Variants in SIPA1L2 observed in about 807,000 individuals in gnomAD.
SIPA1L2 encodes signal induced proliferation associated 1 like 2, also known as signal-induced proliferation-associated 1-like protein 2.
A neutral mutation model predicts 163.9 loss-of-function variants in SIPA1L2; 56 were observed. The ratio of observed to expected loss-of-function variants is 0.34; its 90% CI spans 0.28 to 0.43. The LOEUF (loss-of-function observed/expected upper bound fraction) is 0.43, where lower values mean the gene tolerates loss of function less well. SIPA1L2 is among the 20% of genes least tolerant of loss of function. The probability of loss-of-function intolerance (pLI) is 1.00; values close to 1 mark genes in which losing one functional copy is unlikely to be tolerated. For synonymous variants in SIPA1L2, 877 were observed against 865.7 expected, an observed-to-expected ratio of 1.01 and a Z score of -0.23; for missense variants, 1,974 against 2,193.5, an observed-to-expected ratio of 0.90 and a Z score of 2.00.
chr1:232,572,300 C>T (rs935226149), intron 2 of SIPA1L2, among the ~76,000 whole-genome samples: 7 of 152,166 alleles, frequency 4.6e-5, no homozygotes, highest in African/African-American at 1.7e-4. Context: ...CAAGGGCAGC[C>T]GTACAATGTG....
At chr1:232,460,442 T>C (rs1391363668) in intron 10 of SIPA1L2, among the ~76,000 whole-genome samples, 1 of 152,204 alleles carries the variant, frequency 6.6e-6, no homozygotes, top group Non-Finnish European at 1.5e-5. Flanking sequence ...CTTTCATACC[T>C]ACAACTATTG....
chr1:232,536,510 C>T (rs561826294), intron 2 of SIPA1L2, among the ~76,000 whole-genome samples: 5 of 152,218 alleles, frequency 3.3e-5, no homozygotes, highest in Non-Finnish European at 7.3e-5. Context: ...TGGTATGTGA[C>T]ACCAGTGATG....
rs1329447275 is a variant in SIPA1L2, at chr1:232,630,081, C to T, written c.-531G>A. On this transcript the variant is annotated 5_prime_UTR_variant, in exon 1 of 23. Transcript: ENST00000674635. The stretch of plus-strand genomic sequence containing the variant: ...CGGCCGGCGGGGGCGCGGTGCTCCT[C>T]CTCCGTCCTCCTCCTCCTCTCGCTC... 7.3e-5 allele frequency among the ~76,000 whole-genome samples: 11 copies of T among 150,490 alleles called. No homozygotes were observed. The highest frequency in any genetic ancestry group is 1.6e-4 in the Non-Finnish European group (11 of 67,324).
At chr1:232,581,520 T>G (rs1299682348) in intron 1 of SIPA1L2, among the ~76,000 whole-genome samples, 1 of 152,172 alleles carries the variant, frequency 6.6e-6, no homozygotes, top group Non-Finnish European at 1.5e-5. Context: ...ATGCCTGTAG[T>G]ATGCCACCCC....
chr1:232,599,383 C>T (rs1661468327), intron 1 of SIPA1L2, among the ~76,000 whole-genome samples: 1 of 152,222 alleles, frequency 6.6e-6, no homozygotes, highest in African/African-American at 2.4e-5. Context: ...GCAAGGCATC[C>T]AGGACAGCAA....
chr1:232,553,995 C>A (rs967094953), intron 2 of SIPA1L2, among the ~76,000 whole-genome samples: 3 of 152,290 alleles, frequency 2.0e-5, no homozygotes, highest in Non-Finnish European at 2.9e-5. Flanking sequence ...ATGAGAAATA[C>A]CTAAGGCATG....
chr1:232,440,747 T>C (rs1662841682), intron 14 of SIPA1L2, among the ~76,000 whole-genome samples: 1 of 152,256 alleles, frequency 6.6e-6, no homozygotes, highest in Non-Finnish European at 1.5e-5. Context: ...ATGGAAGTTT[T>C]GTTTCACTGG....
chr1:232,482,472 C>T (rs1160579360), intron 6 of SIPA1L2, among the ~76,000 whole-genome samples: 1 of 151,482 alleles, frequency 6.6e-6, no homozygotes, highest in Non-Finnish European at 1.5e-5. Context: ...CAGAAAAGGT[C>T]TCATTCGTCT....
At chr1:232,526,684 G>A (rs1667727999) in intron 2 of SIPA1L2, among the ~76,000 whole-genome samples, 1 of 152,164 alleles carries the variant, frequency 6.6e-6, no homozygotes, top group Non-Finnish European at 1.5e-5. Flanking sequence ...GTAGGCCTGT[G>A]ACACATGCCC....
At chr1:232,570,142 A>C (rs1205429503) in intron 2 of SIPA1L2, among the ~76,000 whole-genome samples, 1 of 152,208 alleles carries the variant, frequency 6.6e-6, no homozygotes, top group Admixed American at 6.5e-5. Context: ...ATCTCGGAAA[A>C]TTCTATTCAT....
intron 10 of SIPA1L2, among the ~76,000 whole-genome samples, chr1:232,452,353 G>A (rs961209045): frequency 4.6e-5 from 7 of 151,908 alleles, no homozygotes; most frequent in Admixed American, 4.6e-4. Context: ...CAGACACCAC[G>A]GTCACTGCCA....
At chr1:232,607,474 C>A (rs1033966361) in intron 1 of SIPA1L2, among the ~76,000 whole-genome samples, 1 of 152,044 alleles carries the variant, frequency 6.6e-6, no homozygotes, top group Non-Finnish European at 1.5e-5. Flanking sequence ...ATCTTTTAGA[C>A]CACTTGTGAT....
chr1:232,561,197 T>C (rs1209010487), intron 2 of SIPA1L2, among the ~76,000 whole-genome samples: 2 of 152,240 alleles, frequency 1.3e-5, no homozygotes, highest in Admixed American at 6.5e-5. Context: ...TGATTAATGA[T>C]ACAAATGGCC....
At chr1:232,610,526 C>T (rs1303699559) in intron 1 of SIPA1L2, among the ~76,000 whole-genome samples, 1 of 152,212 alleles carries the variant, frequency 6.6e-6, no homozygotes, top group Non-Finnish European at 1.5e-5. Flanking sequence ...AAAATACATA[C>T]AAAATTCTAA....
chr1:232,433,677 C>A (rs1192571336), intron 15 of SIPA1L2, among the ~76,000 whole-genome samples: 1 of 152,162 alleles, frequency 6.6e-6, no homozygotes, highest in African/African-American at 2.4e-5. Flanking sequence ...CCAGAAATAT[C>A]TTTTTCTTAA....
chr1:232,544,139 T>A (rs944602883), intron 2 of SIPA1L2, among the ~76,000 whole-genome samples: 5 of 144,980 alleles, frequency 3.4e-5, no homozygotes, highest in African/African-American at 7.7e-5. Context: ...TTTTTTTTTT[T>A]ATCCTCTTAT....
intron 18 of SIPA1L2, among the ~76,000 whole-genome samples, chr1:232,416,546 T>C (rs1485889064): frequency 6.6e-6 from 1 of 152,250 alleles, no homozygotes; most frequent in Non-Finnish European, 1.5e-5. Flanking sequence ...AGGGTTTACG[T>C]TGCTGTAAGA....
intron 2 of SIPA1L2, among the ~76,000 whole-genome samples, chr1:232,565,444 A>C (rs2247738): frequency 0.62 from 93,850 of 152,108 alleles, 30,023 homozygotes; most frequent in East Asian, 0.86. Context: ...ATTGACTGTG[A>C]GACCTGGACA....
At chr1:232,563,785 G>A (rs1168367395) in intron 2 of SIPA1L2, among the ~76,000 whole-genome samples, 5 of 152,060 alleles carry the variant, frequency 3.3e-5, no homozygotes, top group African/African-American at 1.2e-4. Context: ...CATGATCTCC[G>A]CTTCCTGCAG....
Sources: gnomAD v4.1 joint callset for allele counts (sites outside exome capture counted in the v4.1 genomes callset) on GRCh38, gnomAD v4.1.1 for gene constraint, MANE v1.5 for transcripts, NCBI Gene and HGNC (gene_info 2026-07-23, HGNC 2026-07-21) for gene names.